The following TP53I13 variants were observed in gnomAD, a reference collection of about 807,000 sequenced individuals.
The protein encoded by TP53I13 is tumor protein p53 inducible protein 13, also known as tumor protein p53-inducible protein 13.
A neutral mutation model predicts 39.1 loss-of-function variants in TP53I13; 27 were observed. The ratio of observed to expected loss-of-function variants is 0.69; its 90% confidence interval spans 0.51 to 0.95. TP53I13 has a LOEUF of 0.95. Among genes scored for constraint, TP53I13 ranks in the 40% least tolerant of loss-of-function variants. The pLI is 0.00. For missense variants in TP53I13, 544 were observed against 520.4 expected (o/e 1.05, Z -0.44); for synonymous variants, 230 against 224.6 (o/e 1.02, Z -0.22).
At chr17:29,574,779 C>T (rs772368684), downstream of TP53I13, 1 of 1,613,306 alleles carries the variant, frequency 6.2e-7, no homozygotes, top group East Asian at 2.2e-5. Context: ...CACTGGATCA[C>T]CTGCTGAGTC....
downstream of TP53I13, chr17:29,573,999 C>T (rs2033086282): frequency 6.6e-6 from 1 of 152,442 alleles, no homozygotes; most frequent in Non-Finnish European, 1.5e-5. Flanking sequence ...TGCTCTGGTC[C>T]CCTCACCCCT....
At chr17:29,574,498 G>A (rs1000551274), downstream of TP53I13, 3 of 637,808 alleles carry the variant, frequency 4.7e-6, no homozygotes, top group Non-Finnish European at 8.4e-6. Flanking sequence ...GGAATGTGGG[G>A]GACAGAAGCT....
intron 2 of TP53I13, 107 bp downstream of exon 2, chr17:29,569,193 T>A: frequency 6.8e-7 from 1 of 1,470,512 alleles, no homozygotes; most frequent in African/African-American, 1.4e-5. Context: ...CCTCTGCCGG[T>A]TCCTCAGTCC....
At position 29,571,871 on chromosome 17, in the gene TP53I13, T is replaced by G; in HGVS notation, c.327T>G (p.Thr109=). ...SLTQDRPLVL[T]AWGLALEMAW... ...TCCTCTCGTAGCCCCTGGTGCTGACTGCATGGGGGCTGGCGCTGGAGATGG... is the reference window on the plus strand; with the variant it reads ...TCCTCTCGTAGCCCCTGGTGCTGACGGCATGGGGGCTGGCGCTGGAGATGG... The change falls in exon 5 of 7, where the codon ACT becomes ACG. Residue 109 remains threonine (T), a synonymous_variant. Transcript: ENST00000301057. 3 of 1,613,260 alleles carry G rather than the reference T, an allele frequency of 1.9e-6. No individual in the cohort carries two copies. Among genetic ancestry groups the G allele is most frequent in the Non-Finnish European group, 2.5e-6 (3 of 1,179,920 alleles).
At chr17:29,581,149 A>T in the TP53I13 span, 1 of 618,248 alleles carries the variant, frequency 1.6e-6, no homozygotes, top group South Asian at 1.8e-5. The surrounding 1 kb of genome is among the most constrained non-coding windows in gnomAD (Gnocchi z 4.8). Context: ...TGCGGGCCAC[A>T]TATGGAGCTG....
chr17:29,568,674 G>C (rs2032795539), upstream of TP53I13: 1 of 925,594 alleles, frequency 1.1e-6, no homozygotes. This position sits in a 1 kb window ranked among gnomAD's most constrained non-coding sequence, Gnocchi z 4.5. Context: ...GCGGCGCGGG[G>C]GCGCTGGGGC....
the TP53I13 span, among the ~76,000 whole-genome samples, chr17:29,580,295 A>G: frequency 0.67 from 102,176 of 152,110 alleles, 34,381 homozygotes; most frequent in East Asian, 0.75. Flanking sequence ...TGCACACACA[A>G]CCCAGGTAGA....
At chr17:29,576,776 C>A, downstream of TP53I13, 1 of 1,577,084 alleles carries the variant, frequency 6.3e-7, no homozygotes, top group African/African-American at 1.3e-5. Context: ...GTCCCTCAGG[C>A]CCCTGGGCTA....
chr17:29,581,594 GCAGTAATTTCACAGGAGC>G, the TP53I13 span: 2 of 706,104 alleles, frequency 2.8e-6, no homozygotes, highest in South Asian at 3.3e-5. This position sits in a 1 kb window ranked among gnomAD's most constrained non-coding sequence, Gnocchi z 4.8. Context: ...CCCAGAGCCT[GCAGTAATTTCACAGGAGC>G]CAGTTGCCTA....
chr17:29,576,645 C>G, downstream of TP53I13: 1 of 1,614,024 alleles, frequency 6.2e-7, no homozygotes, highest in South Asian at 1.1e-5. Context: ...GCGTCACAGC[C>G]CCGTCAGACA....
At chr17:29,575,345 T>C, downstream of TP53I13, 1 of 1,613,652 alleles carries the variant, frequency 6.2e-7, no homozygotes. This position sits in a 1 kb window ranked among gnomAD's most constrained non-coding sequence, Gnocchi z 5.5. Flanking sequence ...CTTGGTGACC[T>C]GCTCTGTCTT....
chr17:29,581,240 G>A, the TP53I13 span: 9 of 847,746 alleles, frequency 1.1e-5, no homozygotes, highest in African/African-American at 1.2e-4. This position sits in a 1 kb window ranked among gnomAD's most constrained non-coding sequence, Gnocchi z 4.8. Flanking sequence ...GAGGGAGCAG[G>A]GTCCTAGGCC....
In TP53I13 at chr17:29,571,668, T is replaced by G; in HGVS notation, c.261T>G (p.Ala87=). The G allele has an allele frequency of 6.2e-7, 1 of 1,614,142 alleles. No homozygotes were observed. The highest frequency in any genetic ancestry group is 8.5e-7 in the Non-Finnish European group (1 of 1,180,010). Residue 87 remains alanine (A), a synonymous_variant, in exon 4 of 7, where the codon GCT becomes GCG. Transcript: ENST00000301057. The stretch of plus-strand genomic sequence containing the variant: ...TCCAGCTTGCCCTCCTGGCCTATGC[T>G]TGTATGGCTAACCCTTCCCTCACCC... ...LKLQLALLAY[A]CMANPSLTPD... is the part of the protein sequence containing the mutation.
upstream of TP53I13, chr17:29,568,147 G>A (rs944378788): frequency 2.0e-5 from 3 of 152,216 alleles, no homozygotes; most frequent in African/African-American, 7.2e-5. The surrounding 1 kb of genome is among the most constrained non-coding windows in gnomAD (Gnocchi z 4.5). Context: ...CACCTCCCGA[G>A]GCTCCTCCGC....
chr17:29,568,942 G>A lies in TP53I13; in HGVS notation c.73-76G>A. On this transcript the variant is annotated intron_variant, in intron 1 of 6. Transcript: ENST00000301057. The surrounding 1 kb of genome is among the most constrained non-coding windows in gnomAD (Gnocchi z 4.5). The stretch of plus-strand genomic sequence containing the variant: ...AGGGGGACGCGGAGTTCTTCCGCTG[G>A]CGGGCTGGGCCTGGGGAGAGAGAGG... 6.3e-7 allele frequency: 1 copy of A among 1,594,752 alleles called. No individual in the cohort carries two copies. Among genetic ancestry groups the A allele is most frequent in the South Asian group, 1.1e-5 (1 of 89,602 alleles).
intron 3 of TP53I13, 80 bp downstream of exon 3, chr17:29,569,439 T>TGCTGATCGCA: frequency 2.1e-6 from 3 of 1,417,374 alleles, no homozygotes; most frequent in Non-Finnish European, 2.9e-6. Context: ...CTGCCTGTTC[T>TGCTGATCGCA]GCTGATCGGC....
upstream of TP53I13, chr17:29,566,462 G>A (rs1317455153): frequency 9.9e-6 from 16 of 1,612,232 alleles, no homozygotes; most frequent in Non-Finnish European, 1.2e-5. Flanking sequence ...CGGGTGAGGC[G>A]ACCCCACGCA....
the TP53I13 span, chr17:29,581,814 C>T: frequency 6.2e-7 from 1 of 1,612,718 alleles, no homozygotes; most frequent in Non-Finnish European, 8.5e-7. The surrounding 1 kb of genome is among the most constrained non-coding windows in gnomAD (Gnocchi z 4.8). Context: ...AGCCTTTCCG[C>T]CAGCTCATGG....
downstream of TP53I13, chr17:29,575,005 G>A (rs749005457): frequency 1.7e-5 from 25 of 1,465,206 alleles, no homozygotes; most frequent in South Asian, 3.7e-5. This position sits in a 1 kb window ranked among gnomAD's most constrained non-coding sequence, Gnocchi z 5.5. Context: ...CCCAGGTAGC[G>A]ATCAGATGGG....
Sources: gnomAD v4.1 joint callset for allele counts (sites outside exome capture counted in the v4.1 genomes callset) on GRCh38, gnomAD v4.1.1 for gene constraint, Gnocchi (gnomAD v3.1) non-coding constraint, MANE v1.5 for transcripts, NCBI Gene and HGNC (gene_info 2026-07-23, HGNC 2026-07-21) for gene names.